Variants in KHDRBS2 observed in about 807,000 individuals in gnomAD.
KHDRBS2 encodes the protein KH RNA binding domain containing, signal transduction associated 2, also known as KH domain-containing, RNA-binding, signal transduction-associated protein 2.
A neutral mutation model predicts 44.3 loss-of-function variants in KHDRBS2; 26 were observed. The ratio of observed to expected loss-of-function variants is 0.59; its 90% CI spans 0.43 to 0.81. The LOEUF is 0.81. Ranked by LOEUF, KHDRBS2 falls within the 40% of genes least tolerant of loss-of-function variation. The pLI, the probability that KHDRBS2 is intolerant of heterozygous loss-of-function variation, is 0.00. For synonymous variants in KHDRBS2, 194 were observed against 151.1 expected (o/e 1.28, Z -2.08); for missense variants, 476 against 433.1 (o/e 1.10, Z -0.88).
intron 6 of KHDRBS2, among the ~76,000 whole-genome samples, chr6:61,786,423 T>A (rs894451550): frequency 6.6e-6 from 1 of 152,038 alleles, no homozygotes; most frequent in Admixed American, 6.6e-5. Context: ...TTAACACATG[T>A]TCATTGGAGA....
chr6:62,041,464 C>A (rs764164591), intron 3 of KHDRBS2, among the ~76,000 whole-genome samples: 3 of 152,052 alleles, frequency 2.0e-5, no homozygotes, highest in Non-Finnish European at 2.9e-5. Flanking sequence ...CTAAAAATTT[C>A]TATTTTCATA....
intron 3 of KHDRBS2, among the ~76,000 whole-genome samples, chr6:61,985,305 T>C (rs1477136907): frequency 6.6e-6 from 1 of 152,192 alleles, no homozygotes; most frequent in African/African-American, 2.4e-5. Flanking sequence ...TTATTTTACT[T>C]CTCTCTGTGT....
At chr6:62,125,419 G>A (rs1364235720) in intron 2 of KHDRBS2, among the ~76,000 whole-genome samples, 2 of 152,086 alleles carry the variant, frequency 1.3e-5, no homozygotes, top group East Asian at 1.9e-4. Context: ...AGTAGTCTAT[G>A]CCACCAGCCC....
At chr6:62,252,720 G>T (rs1836753349) in intron 1 of KHDRBS2, among the ~76,000 whole-genome samples, 1 of 151,880 alleles carries the variant, frequency 6.6e-6, no homozygotes, top group East Asian at 1.9e-4. Context: ...GAAAACAAAT[G>T]GCACAAATGC....
the KHDRBS2 span, among the ~76,000 whole-genome samples, chr6:61,545,501 CTGTGTGTGTG>C: frequency 3.4e-5 from 5 of 148,334 alleles, no homozygotes; most frequent in African/African-American, 1.0e-4. Context: ...TAGCTAATCT[CTGTGTGTGTG>C]TGTGTGTGTG....
At chr6:61,772,215 C>G (rs1313569573) in intron 6 of KHDRBS2, among the ~76,000 whole-genome samples, 1 of 152,092 alleles carries the variant, frequency 6.6e-6, no homozygotes, top group Non-Finnish European at 1.5e-5. Context: ...CAAGAGAAAG[C>G]AGGAAAGATC....
intron 2 of KHDRBS2, among the ~76,000 whole-genome samples, chr6:62,051,968 A>G (rs566146731): frequency 8.5e-4 from 129 of 152,034 alleles, no homozygotes; most frequent in Non-Finnish European, 1.4e-3. Flanking sequence ...AGCTATTTCC[A>G]AAAAGTCAAA....
At chr6:61,945,210 A>C (rs1295244220) in intron 4 of KHDRBS2, among the ~76,000 whole-genome samples, 1 of 116,774 alleles carries the variant, frequency 8.6e-6, no homozygotes, top group Non-Finnish European at 1.9e-5. Flanking sequence ...TAATGATTAA[A>C]AATTTAAAAA....
At chr6:61,801,848 C>A (rs1317927134) in intron 6 of KHDRBS2, among the ~76,000 whole-genome samples, 1 of 152,128 alleles carries the variant, frequency 6.6e-6, no homozygotes, top group Admixed American at 6.6e-5. Context: ...ACTAATCTTG[C>A]TACTGCTGTG....
intron 4 of KHDRBS2, among the ~76,000 whole-genome samples, chr6:61,912,951 C>A (rs1208762223): frequency 6.6e-6 from 1 of 152,156 alleles, no homozygotes; most frequent in Non-Finnish European, 1.5e-5. Flanking sequence ...CTCTTGGAAT[C>A]ACTCTCAATA....
At chr6:62,089,547 T>C (rs1406133294) in intron 2 of KHDRBS2, among the ~76,000 whole-genome samples, 2 of 152,084 alleles carry the variant, frequency 1.3e-5, no homozygotes, top group African/African-American at 4.8e-5. Context: ...TCGCCCTCCT[T>C]GGGCTGCACC....
At chr6:61,672,236 A>T in the KHDRBS2 span, among the ~76,000 whole-genome samples, 9 of 151,448 alleles carry the variant, frequency 5.9e-5, no homozygotes, top group African/African-American at 2.2e-4. Flanking sequence ...TTCTTAATCC[A>T]GTCTATCATT....
chr6:62,032,800 C>T (rs1784595560), intron 3 of KHDRBS2, among the ~76,000 whole-genome samples: 2 of 151,824 alleles, frequency 1.3e-5, no homozygotes, highest in South Asian at 2.1e-4. Flanking sequence ...CTTCAATGCC[C>T]AGACACCAAA....
At chr6:62,187,195 C>T (rs567967092) in intron 1 of KHDRBS2, among the ~76,000 whole-genome samples, 70 of 152,122 alleles carry the variant, frequency 4.6e-4, no homozygotes, top group African/African-American at 1.5e-3. Context: ...TATTAACTCA[C>T]GACGATATAA....
At chr6:61,805,923 G>A (rs1324233763) in intron 6 of KHDRBS2, among the ~76,000 whole-genome samples, 1 of 152,152 alleles carries the variant, frequency 6.6e-6, no homozygotes, top group East Asian at 1.9e-4. Context: ...GTTTCAGAGA[G>A]AGGAACATAG....
chr6:62,186,856 T>C (rs781267416), intron 1 of KHDRBS2, among the ~76,000 whole-genome samples: 1 of 152,132 alleles, frequency 6.6e-6, no homozygotes, highest in Non-Finnish European at 1.5e-5. Context: ...ATTTTATTGA[T>C]ACTCATTCCA....
intron 6 of KHDRBS2, among the ~76,000 whole-genome samples, chr6:61,736,664 A>G (rs1775407186): frequency 6.6e-6 from 1 of 152,000 alleles, no homozygotes; most frequent in Non-Finnish European, 1.5e-5. Flanking sequence ...CAGGGATGGG[A>G]GTAGGTACTT....
intron 3 of KHDRBS2, among the ~76,000 whole-genome samples, chr6:61,980,423 G>A (rs1362027858): frequency 6.6e-6 from 1 of 152,084 alleles, no homozygotes; most frequent in South Asian, 2.1e-4. Flanking sequence ...ACTCCTGAAA[G>A]TTTAGAATGT....
At chr6:62,019,510 G>A (rs950146473) in intron 3 of KHDRBS2, among the ~76,000 whole-genome samples, 10 of 152,094 alleles carry the variant, frequency 6.6e-5, no homozygotes, top group African/African-American at 2.2e-4. Flanking sequence ...GGTATATCTT[G>A]TGTAGAATTG....
Sources: gnomAD v4.1 joint callset for allele counts (sites outside exome capture counted in the v4.1 genomes callset) on GRCh38, gnomAD v4.1.1 for gene constraint, MANE v1.5 for transcripts, NCBI Gene and HGNC (gene_info 2026-07-23, HGNC 2026-07-21) for gene names.